The following DSCAML1 variants were observed in gnomAD, a reference collection of about 807,000 sequenced individuals.
The protein encoded by DSCAML1 is DS cell adhesion molecule like 1.
DSCAML1 carries 38 observed loss-of-function variants against 200.5 expected under a neutral mutation model. The observed-to-expected ratio is 0.19, with a 90% CI of 0.15 to 0.25. DSCAML1 has a LOEUF of 0.25. Ranked by LOEUF, DSCAML1 falls within the 10% of genes least tolerant of loss-of-function variation. The pLI is 1.00. For missense variants in DSCAML1, 2,223 were observed against 2,858.8 expected (o/e 0.78, Z 5.07); for synonymous variants, 1,215 against 1,165.0 (o/e 1.04, Z -0.87).
intron 3 of DSCAML1, among the ~76,000 whole-genome samples, chr11:117,760,647 G>A (rs1304012417): frequency 1.3e-5 from 2 of 152,168 alleles, no homozygotes; most frequent in Non-Finnish European, 2.9e-5. Flanking sequence ...TCACAAACAT[G>A]GCTACGATGA....
intron 1 of DSCAML1, among the ~76,000 whole-genome samples, chr11:117,810,911 G>A (rs1264319907): frequency 2.6e-5 from 4 of 152,016 alleles, no homozygotes; most frequent in South Asian, 4.2e-4. Context: ...AACCCCAAGC[G>A]TCGCTGAGTC....
At chr11:117,459,255 A>G (rs1471806210) in intron 18 of DSCAML1, among the ~76,000 whole-genome samples, 4 of 152,094 alleles carry the variant, frequency 2.6e-5, no homozygotes, top group Non-Finnish European at 4.4e-5. Context: ...CTCCCTTCCC[A>G]TGGGAGAGCC....
rs534443067 is a variant in DSCAML1, at chr11:117,495,715, G to A, written c.2359+8130C>T. ...GTCACAGTGAACATGCCACCCCTCC[G>A]TTCCCATCTACTCCATTTCTATTGG... On this transcript the variant is annotated intron_variant, in intron 11 of 32. Transcript: ENST00000651296. 1.1e-4 allele frequency among the ~76,000 whole-genome samples: 17 copies of A among 152,048 alleles called. No homozygotes were observed. In the South Asian group the frequency reaches 1.9e-3, roughly 17 times the overall value.
chr11:117,454,762 T>C (rs10892117), intron 19 of DSCAML1, among the ~76,000 whole-genome samples: 23,083 of 152,212 alleles, frequency 0.15, 2,499 homozygotes, highest in East Asian at 0.48. Flanking sequence ...TTGCTTCTGA[T>C]AGGCACCTGC....
At position 117,444,002 on chromosome 11, in the gene DSCAML1, A is replaced by G; in HGVS notation, c.3746T>C (p.Phe1249Ser). ...SEYETSPEQLFYRIAHLNRGQ... is the reference protein window; with the variant it reads ...SEYETSPEQLSYRIAHLNRGQ... ...GCGGTTTAGGTGGGCGATCCGGTAG[A>G]AGAGCTGCTCTGGACTCGTCTCGTA... Residue 1249 changes from phenylalanine to serine, a missense_variant, in exon 21 of 33, where the codon TTC (phenylalanine) becomes TCC (serine). Transcript: ENST00000651296. 1 of 1,613,948 alleles carries G rather than the reference A, an allele frequency of 6.2e-7. No individual in the cohort carries two copies.
intron 3 of DSCAML1, among the ~76,000 whole-genome samples, chr11:117,757,607 C>T (rs569814187): frequency 7.0e-6 from 1 of 143,326 alleles, no homozygotes; most frequent in South Asian, 2.1e-4. Flanking sequence ...CACACACACA[C>T]ACACACACAC....
chr11:117,483,887 C>A (rs891973913), intron 11 of DSCAML1, among the ~76,000 whole-genome samples: 1 of 151,672 alleles, frequency 6.6e-6, no homozygotes. Context: ...GAATCGGAAA[C>A]CCCCCACCCC....
chr11:117,484,036 T>TGCCCCC (rs2048986280), intron 11 of DSCAML1, among the ~76,000 whole-genome samples: 3 of 21,202 alleles, frequency 1.4e-4, no homozygotes, highest in African/African-American at 3.8e-4. Context: ...CCCCCGCCCC[T>TGCCCCC]GCCCCCCGCC....
intron 12 of DSCAML1, 30 bp downstream of exon 12, chr11:117,481,933 G>A (rs1165654651): frequency 1.9e-6 from 3 of 1,611,832 alleles, no homozygotes; most frequent in Admixed American, 3.3e-5. Flanking sequence ...GAGAGTTGGG[G>A]TCCCCCAGCA....
rs1303973772 is a variant in DSCAML1 at position 117,797,131 on chromosome 11, G to T, written c.-52C>A. 1 of 1,591,406 alleles carries T rather than the reference G, an allele frequency of 6.3e-7. No individual in the cohort carries two copies. The highest frequency in any genetic ancestry group is 8.5e-7 in the Non-Finnish European group (1 of 1,169,990). ...GAGGTGGTCCTGTGGCCGGCCGTGC[G>T]GCAGCGCCTCTCCCCCGCTCAGCGC... On this transcript the variant is annotated 5_prime_UTR_variant, in exon 1 of 33. Coordinates refer to ENST00000651296, the MANE Select transcript of DSCAML1 (RefSeq NM_020693.4).
intron 11 of DSCAML1, among the ~76,000 whole-genome samples, chr11:117,488,511 G>A (rs2137240670): frequency 6.6e-6 from 1 of 151,836 alleles, no homozygotes; most frequent in East Asian, 1.9e-4. Flanking sequence ...CACTCACCAG[G>A]AGTACAAATC....
At chr11:117,720,157 C>A (rs2054018220) in intron 3 of DSCAML1, among the ~76,000 whole-genome samples, 1 of 152,068 alleles carries the variant, frequency 6.6e-6, no homozygotes, top group Non-Finnish European at 1.5e-5. Flanking sequence ...GAGCACTCAG[C>A]CCAGCGCCCC....
intron 3 of DSCAML1, among the ~76,000 whole-genome samples, chr11:117,699,989 G>A (rs1201603815): frequency 6.6e-6 from 1 of 152,152 alleles, no homozygotes; most frequent in Non-Finnish European, 1.5e-5. Flanking sequence ...ATGGCACAAG[G>A]GTGGGCAGTG....
intron 1 of DSCAML1, among the ~76,000 whole-genome samples, chr11:117,809,735 G>A (rs927586062): frequency 5.3e-5 from 8 of 152,134 alleles, no homozygotes; most frequent in Admixed American, 6.5e-5. Flanking sequence ...GAATCGCCGC[G>A]CAGCGCTCCA....
At chr11:117,766,325 G>A (rs2054897543) in intron 3 of DSCAML1, among the ~76,000 whole-genome samples, 2 of 152,330 alleles carry the variant, frequency 1.3e-5, no homozygotes, top group South Asian at 4.1e-4. Context: ...TACATTAAAT[G>A]CCAGAATTCG....
chr11:117,471,802 C>CCTTGCCAGTGAACA, intron 15 of DSCAML1, 67 bp downstream of exon 15: 1 of 1,530,906 alleles, frequency 6.5e-7, no homozygotes, highest in Non-Finnish European at 8.8e-7. Context: ...TGAACAGGAT[C>CCTTGCCAGTGAACA]GCTGTAGGCC....
At chr11:117,542,136 C>A (rs898973466) in intron 3 of DSCAML1, among the ~76,000 whole-genome samples, 1 of 151,964 alleles carries the variant, frequency 6.6e-6, no homozygotes, top group Non-Finnish European at 1.5e-5. Context: ...ATGGTGAAAC[C>A]CCGTCTCTAC....
rs1272560434 is a variant in DSCAML1, at chr11:117,505,775, C to T, written c.1784-43G>A. On this transcript the variant is annotated intron_variant, in intron 8 of 32. Coordinates refer to ENST00000651296, the MANE Select transcript of DSCAML1 (RefSeq NM_020693.4). This position sits in a 1 kb window ranked among gnomAD's most constrained non-coding sequence, Gnocchi z 6.7. ...TGCTGCCGTCAGGACCCTGTGCATT[C>T]TCACCTGGCCGCCAACGCCGCCTCA... The T allele has an allele frequency of 1.9e-6, 3 of 1,573,078 alleles. No homozygotes were observed. The highest frequency in any genetic ancestry group is 1.3e-5 in the African/African-American group (1 of 74,244).
intron 1 of DSCAML1, among the ~76,000 whole-genome samples, chr11:117,795,521 C>T (rs1037268315): frequency 1.3e-5 from 2 of 151,740 alleles, no homozygotes; most frequent in African/African-American, 4.8e-5. Flanking sequence ...GAGTGCGATG[C>T]GGGGGGCAAG....
Sources: allele counts gnomAD v4.1 joint callset (sites outside exome capture counted in the v4.1 genomes callset), GRCh38; gene constraint gnomAD v4.1.1; non-coding constraint Gnocchi (gnomAD v3.1); transcripts MANE v1.5; gene names NCBI Gene and HGNC (gene_info 2026-07-23, HGNC 2026-07-21).